The following MYO18B variants were observed in gnomAD, a reference collection of about 807,000 sequenced individuals.
MYO18B encodes myosin XVIIIB.
MYO18B carries 204 observed loss-of-function variants against 273.0 expected under a neutral mutation model. The ratio of observed to expected loss-of-function variants is 0.75; its 90% CI spans 0.67 to 0.84. The LOEUF is 0.84. MYO18B is among the 40% of genes least tolerant of loss of function. The pLI is 0.00. For synonymous variants in MYO18B, 1,330 were observed against 1,305.7 expected (o/e 1.02, Z -0.40); for missense variants, 3,212 against 3,287.6 (o/e 0.98, Z 0.56).
In MYO18B at chr22:25,903,802, C is replaced by A; in HGVS notation, c.5119C>A (p.Gln1707Lys). Residue 1707 changes from glutamine to lysine, a missense_variant, in exon 31 of 44, where the codon CAG (glutamine) becomes AAG (lysine). Physicochemically the swap from Gln to Lys is moderately conservative, Grantham distance 53. Transcript: ENST00000335473. ...TGAGCAACAGAAAATCCAGAGCCAG[C>A]AGGAAAACACCATCAAGCAGCTGGA... ...ALEQQKIQSQQENTIKQLEQL... is the reference protein window; with the variant it reads ...ALEQQKIQSQKENTIKQLEQL... 1 of 1,602,024 alleles carries A rather than the reference C, an allele frequency of 6.2e-7. No homozygotes were observed. The highest frequency in any genetic ancestry group is 1.1e-5 in the South Asian group (1 of 88,768).
intron 22 of MYO18B, among the ~76,000 whole-genome samples, chr22:25,869,217 G>A (rs990945998): frequency 6.6e-6 from 1 of 152,102 alleles, no homozygotes; most frequent in African/African-American, 2.4e-5. Flanking sequence ...GGGAGGCCAA[G>A]GCGGGCAGAT....
intron 24 of MYO18B, 54 bp from the exon 25 acceptor site, chr22:25,877,905 T>C: frequency 6.8e-7 from 1 of 1,464,528 alleles, no homozygotes; most frequent in Non-Finnish European, 9.4e-7. Context: ...CTAACACAGG[T>C]GGAACTTAAT....
At chr22:25,971,844 T>G (rs2093038592) in intron 39 of MYO18B, among the ~76,000 whole-genome samples, 1 of 152,192 alleles carries the variant, frequency 6.6e-6, no homozygotes, top group African/African-American at 2.4e-5. Context: ...CTAACAATCA[T>G]GTTTGCATTT....
At chr22:25,895,447 G>A in intron 28 of MYO18B, 167 bp downstream of exon 28, 1 of 748,434 alleles carries the variant, frequency 1.3e-6, no homozygotes. Flanking sequence ...TGGTCACTGT[G>A]AGACATGAAA....
At chr22:25,945,342 A>C (rs114349276) in intron 34 of MYO18B, among the ~76,000 whole-genome samples, 2,872 of 152,032 alleles carry the variant, frequency 0.019, 93 homozygotes, top group African/African-American at 0.065. Context: ...TACTGCACAA[A>C]GAGGTTGTCA....
At chr22:26,031,733 G>A (rs1936672848), downstream of MYO18B, among the ~76,000 whole-genome samples, 1 of 152,176 alleles carries the variant, frequency 6.6e-6, no homozygotes, top group Admixed American at 6.5e-5. Context: ...GTAGAAGTGA[G>A]GCAAGGGAGG....
intron 18 of MYO18B, 55 bp downstream of exon 18, chr22:25,843,949 C>A (rs1336823862): frequency 3.9e-6 from 6 of 1,525,494 alleles, no homozygotes; most frequent in Non-Finnish European, 5.4e-6. Context: ...ACTGTGTTTT[C>A]CTTCCCACCT....
intron 12 of MYO18B, among the ~76,000 whole-genome samples, chr22:25,819,806 G>C (rs937941097): frequency 1.3e-5 from 2 of 151,872 alleles, no homozygotes; most frequent in Non-Finnish European, 2.9e-5. Flanking sequence ...CTTAGTATCA[G>C]CCTGTTTTCT....
intron 22 of MYO18B, among the ~76,000 whole-genome samples, chr22:25,873,277 A>T (rs1392777061): frequency 1.3e-5 from 2 of 151,986 alleles, no homozygotes; most frequent in Non-Finnish European, 2.9e-5. Flanking sequence ...TCCATTATTG[A>T]TGAGTTACGG....
intron 12 of MYO18B, among the ~76,000 whole-genome samples, chr22:25,799,566 G>A (rs2088094283): frequency 6.6e-6 from 1 of 152,210 alleles, no homozygotes; most frequent in African/African-American, 2.4e-5. Context: ...TGTGAATTGA[G>A]GTCTGTCCTG....
rs2092339244 is a variant in MYO18B at position 25,921,376 on chromosome 22, C to T, written c.5484C>T (p.Val1828=). The T allele has an allele frequency of 6.3e-7, 1 of 1,599,368 alleles. No homozygotes were observed. Among genetic ancestry groups the T allele is most frequent in the East Asian group, 2.3e-5 (1 of 44,204 alleles). ...LGTMEDGKTS[V]SKEELEKVHS... ...CCATGGAGGATGGCAAGACATCAGT[C>T]AGCAAGGAGGAGCTGGAGAAAGTGC... The change falls in exon 34 of 44, where the codon GTC becomes GTT. Residue 1828 remains valine, a synonymous_variant. Coordinates refer to ENST00000335473, the MANE Select transcript of MYO18B (RefSeq NM_032608.7).
chr22:25,974,027 T>A (rs138940245), intron 39 of MYO18B, among the ~76,000 whole-genome samples: 1 of 152,304 alleles, frequency 6.6e-6, no homozygotes, highest in African/African-American at 2.4e-5. Flanking sequence ...AACGTTATCA[T>A]CTCACATCTG....
intron 13 of MYO18B, among the ~76,000 whole-genome samples, chr22:25,825,542 G>A (rs1040014476): frequency 2.0e-5 from 3 of 152,166 alleles, no homozygotes; most frequent in Admixed American, 6.5e-5. Flanking sequence ...ATGCGTGTGT[G>A]TGTGTATTCG....
intron 34 of MYO18B, among the ~76,000 whole-genome samples, chr22:25,944,539 G>C (rs931031635): frequency 2.6e-5 from 4 of 152,236 alleles, no homozygotes; most frequent in South Asian, 4.2e-4. Flanking sequence ...ATCCTGCTGT[G>C]AGCTGAACAT....
intron 1 of MYO18B, among the ~76,000 whole-genome samples, chr22:25,747,130 A>G (rs754447936): frequency 6.6e-6 from 1 of 152,148 alleles, no homozygotes; most frequent in Non-Finnish European, 1.5e-5. Context: ...TCAAAAAAAG[A>G]AAGAAAGAAA....
At chr22:25,950,276 G>T in intron 36 of MYO18B, 91 bp from the exon 37 acceptor site, 1 of 1,067,690 alleles carries the variant, frequency 9.4e-7, no homozygotes, top group Admixed American at 2.3e-5. Context: ...ACATCTGTGG[G>T]TGGGGAAAGT....
intron 34 of MYO18B, among the ~76,000 whole-genome samples, chr22:25,923,459 G>A (rs1028854840): frequency 1.3e-5 from 2 of 152,242 alleles, no homozygotes; most frequent in African/African-American, 4.8e-5. Context: ...GGGAGGGGAG[G>A]TGGCATTGTG....
chr22:25,770,000 A>G, intron 4 of MYO18B, 110 bp from the exon 5 acceptor site: 1 of 1,097,766 alleles, frequency 9.1e-7, no homozygotes. Flanking sequence ...CTCCCCCAGG[A>G]GATTCTGGTT....
chr22:25,996,919 C>T (rs968621567), intron 40 of MYO18B, among the ~76,000 whole-genome samples: 2 of 152,154 alleles, frequency 1.3e-5, no homozygotes, highest in African/African-American at 2.4e-5. Context: ...TACCTTTCTT[C>T]TCCTCTGAAG....
Sources: allele counts gnomAD v4.1 joint callset (sites outside exome capture counted in the v4.1 genomes callset), GRCh38; gene constraint gnomAD v4.1.1; transcripts MANE v1.5; gene names NCBI Gene and HGNC (gene_info 2026-07-23, HGNC 2026-07-21).